CAP2: variants seen among roughly 807,000 people sequenced by gnomAD.
The protein encoded by CAP2 is cyclase associated actin cytoskeleton regulatory protein 2.
Under a neutral mutation model 57.7 loss-of-function variants are expected in CAP2, and 24 were observed. The ratio of observed to expected loss-of-function variants is 0.42; its 90% confidence interval spans 0.30 to 0.58. The LOEUF is 0.58. Among genes scored for constraint, CAP2 ranks in the 20% least tolerant of loss-of-function variants. The pLI is 0.22. For synonymous variants in CAP2, 194 were observed against 207.2 expected, an observed-to-expected ratio of 0.94 and a Z score of 0.55; for missense variants, 501 against 590.3, an observed-to-expected ratio of 0.85 and a Z score of 1.57.
intron 4 of CAP2, among the ~76,000 whole-genome samples, chr6:17,506,370 G>C (rs572161090): frequency 1.3e-5 from 2 of 152,160 alleles, no homozygotes; most frequent in East Asian, 3.9e-4. Context: ...TTCTTAAAAA[G>C]GGCTGGGTGT....
intron 3 of CAP2, among the ~76,000 whole-genome samples, chr6:17,427,489 ATC>A (rs1759623574): frequency 6.6e-6 from 1 of 152,086 alleles, no homozygotes; most frequent in Non-Finnish European, 1.5e-5. Flanking sequence ...GATGGCTACT[ATC>A]CAAAGAACAG....
rs1340542569 is a variant in CAP2 at position 17,421,764 on chromosome 6, T to C, written c.121+88T>C. The C allele has an allele frequency of 5.0e-5, 74 of 1,472,550 alleles. 1 individual carries two copies. 91.2% of individuals were successfully genotyped at this position (1,472,550 alleles called of 1,614,324 possible). A position where few individuals can be genotyped will look rare whatever the true frequency, so the allele number is the denominator to read the frequency against. ...ATTTCACTCTCAAGGAACATTTCTA[T>C]TATCCTTCAGCTTCCCTACTCCTTC... On this transcript the variant is annotated intron_variant, in intron 2 of 12. Transcript: ENST00000229922.
chr6:17,448,865 G>T (rs1760331776), intron 3 of CAP2, among the ~76,000 whole-genome samples: 1 of 151,930 alleles, frequency 6.6e-6, no homozygotes, highest in South Asian at 2.1e-4. Context: ...AGGTTCAAGA[G>T]ATTCTCCTGC....
At chr6:17,409,110 G>A (rs570341924) in intron 1 of CAP2, among the ~76,000 whole-genome samples, 7 of 147,438 alleles carry the variant, frequency 4.7e-5, no homozygotes, top group Admixed American at 1.4e-4. Flanking sequence ...GGTGGCTCAC[G>A]CCTGTAATCC....
At chr6:17,461,544 T>C (rs1405254330) in intron 3 of CAP2, among the ~76,000 whole-genome samples, 1 of 151,936 alleles carries the variant, frequency 6.6e-6, no homozygotes, top group Non-Finnish European at 1.5e-5. Context: ...TGAAACTTTC[T>C]GCATTTAAAA....
At chr6:17,481,124 A>G (rs992768507) in intron 4 of CAP2, among the ~76,000 whole-genome samples, 2 of 151,902 alleles carry the variant, frequency 1.3e-5, no homozygotes, top group African/African-American at 4.8e-5. Context: ...AGATTGTTGA[A>G]TTTTATTTTT....
chr6:17,464,152 A>T (rs1760801376), intron 4 of CAP2, among the ~76,000 whole-genome samples: 1 of 152,194 alleles, frequency 6.6e-6, no homozygotes, highest in Non-Finnish European at 1.5e-5. Flanking sequence ...ACTTTTGACA[A>T]TGCTGATTGT....
intron 3 of CAP2, among the ~76,000 whole-genome samples, chr6:17,428,172 G>A (rs888369592): frequency 6.6e-6 from 1 of 152,184 alleles, no homozygotes; most frequent in Non-Finnish European, 1.5e-5. Flanking sequence ...AGTACAGCCT[G>A]AGGAAAAGCA....
chr6:17,540,987 A>C lies in CAP2; in HGVS notation c.841A>C (p.Thr281Pro), dbSNP rs775895692. The change falls in exon 9 of 13, where the codon ACA becomes CCA. Residue 281 changes from threonine to proline, a missense_variant. Thr to Pro is a conservative substitution (Grantham distance 38). Coordinates refer to ENST00000229922, the MANE Select transcript of CAP2 (RefSeq NM_006366.3). The part of the protein sequence containing the change: ...EAITKGLRHV[T>P]DDQKTYKNPS... ...TGTCCTCCTAGGGCTCCGCCATGTC[A>C]CAGATGACCAGAAGACATACAAAAA... 3.5e-5 allele frequency: 56 copies of C among 1,613,854 alleles called. 1 individual carries two copies. In the Middle Eastern group the frequency reaches 1.7e-3, roughly 48 times the overall value.
Position 17,448,516 on chromosome 6 carries a change from A to G in CAP2, c.223-14480A>G, listed in dbSNP as rs1385804269. Among the ~76,000 whole-genome samples the G allele has an allele frequency of 2.0e-5, 3 of 152,318 alleles. 1 individual carries two copies. Among genetic ancestry groups the G allele is most frequent in the Middle Eastern group, 6.8e-3 (2 of 294 alleles). On this transcript the variant is annotated intron_variant, in intron 3 of 12. Transcript: ENST00000229922. ...AAAAGCAAATGGATTTGAACATGCA[A>G]TGGTGTTTTCTTTCTTTTCCTATTC...
Position 17,556,453 on chromosome 6 carries a change from G to C in CAP2, c.*11G>C, listed in dbSNP as rs1763317696. 2 of 1,587,220 alleles carry C rather than the reference G, an allele frequency of 1.3e-6. No individual in the cohort carries two copies. The highest frequency in any genetic ancestry group is 1.7e-6 in the Non-Finnish European group (2 of 1,155,544). Reference sequence around the variant, plus strand: ...GAAATTATGGCCTAACTTCCTGAGAGACCGAACCCCCTCACCTGAATCCCC... The same window carrying C: ...GAAATTATGGCCTAACTTCCTGAGACACCGAACCCCCTCACCTGAATCCCC... On this transcript the variant is annotated 3_prime_UTR_variant, in exon 13 of 13. Coordinates refer to ENST00000229922, the MANE Select transcript of CAP2 (RefSeq NM_006366.3).
intron 4 of CAP2, among the ~76,000 whole-genome samples, chr6:17,471,483 T>A (rs769983869): frequency 2.0e-5 from 3 of 152,214 alleles, no homozygotes; most frequent in Non-Finnish European, 4.4e-5. Context: ...AATGGGTTTT[T>A]AAATATCGGT....
At chr6:17,531,630 C>G (rs1364314387) in intron 7 of CAP2, 2 of 1,229,624 alleles carry the variant, frequency 1.6e-6, no homozygotes, top group Non-Finnish European at 2.3e-6. Flanking sequence ...TCTTCTACAC[C>G]TTCCATGGTT....
At chr6:17,531,551 A>G (rs1762640135) in intron 7 of CAP2, 1 of 1,543,578 alleles carries the variant, frequency 6.5e-7, no homozygotes, top group Non-Finnish European at 8.8e-7. Context: ...CAGGTGCTTG[A>G]TCTTCAGCTC....
intron 1 of CAP2, among the ~76,000 whole-genome samples, chr6:17,398,281 G>A (rs1295329322): frequency 2.6e-5 from 4 of 152,028 alleles, no homozygotes; most frequent in East Asian, 3.9e-4. Context: ...AAGTTGCCTC[G>A]TATTGTATAT....
At chr6:17,424,325 G>A (rs992840405) in intron 2 of CAP2, among the ~76,000 whole-genome samples, 1 of 152,234 alleles carries the variant, frequency 6.6e-6, no homozygotes, top group Admixed American at 6.5e-5. Context: ...GCGTGAACCC[G>A]GGAGGCGGAG....
intron 4 of CAP2, among the ~76,000 whole-genome samples, chr6:17,489,359 T>G (rs1761495312): frequency 6.6e-6 from 1 of 152,128 alleles, no homozygotes; most frequent in Admixed American, 6.6e-5. Context: ...TTGAGCCTGG[T>G]AGGCGGAGGC....
intron 4 of CAP2, among the ~76,000 whole-genome samples, chr6:17,492,390 G>T (rs762058948): frequency 6.6e-6 from 1 of 152,210 alleles, no homozygotes; most frequent in African/African-American, 2.4e-5. Flanking sequence ...GATTGGTGAG[G>T]CACCAGAGGG....
chr6:17,549,353 C>T (rs913993901), intron 11 of CAP2, among the ~76,000 whole-genome samples: 10 of 152,112 alleles, frequency 6.6e-5, no homozygotes, highest in African/African-American at 2.2e-4. Context: ...ATTCCAGATA[C>T]TCAGGAGGCT....
Sources: gnomAD v4.1 joint callset for allele counts (sites outside exome capture counted in the v4.1 genomes callset) on GRCh38, gnomAD v4.1.1 for gene constraint, MANE v1.5 for transcripts, NCBI Gene and HGNC (gene_info 2026-07-23, HGNC 2026-07-21) for gene names.